Variants in EYS observed in about 807,000 individuals in gnomAD.
The protein encoded by EYS is EGF-like photoreceptor maintenance factor.
In EYS, 250 loss-of-function variants were observed where a neutral mutation model predicts 282.1. The observed-to-expected ratio is 0.89, with a 90% CI of 0.80 to 0.98. The LOEUF (loss-of-function observed/expected upper bound fraction) is 0.98. Among genes scored for constraint, EYS ranks in the 50% least tolerant of loss-of-function variants. The pLI is 0.00. For missense variants in EYS, 4,016 were observed against 3,709.0 expected (o/e 1.08, Z -2.15); for synonymous variants, 1,355 against 1,282.9 (o/e 1.06, Z -1.20).
intron 35 of EYS, among the ~76,000 whole-genome samples, chr6:63,908,544 G>A (rs1353980958): frequency 6.6e-6 from 1 of 151,898 alleles, no homozygotes. Context: ...TCCACATCCC[G>A]GGTTCAAGTG....
At chr6:65,661,841 A>G (rs1768010832) in intron 1 of EYS, among the ~76,000 whole-genome samples, 1 of 152,120 alleles carries the variant, frequency 6.6e-6, no homozygotes, top group Non-Finnish European at 1.5e-5. Context: ...AATGGCAGCT[A>G]TTCTTGGAAA....
At chr6:65,270,528 A>T (rs1021408742) in intron 12 of EYS, among the ~76,000 whole-genome samples, 6 of 151,620 alleles carry the variant, frequency 4.0e-5, no homozygotes, top group Admixed American at 4.0e-4. Context: ...ACACTTTCTC[A>T]TTTTTTTTGT....
At chr6:63,912,644 G>T (rs1006812929) in intron 35 of EYS, among the ~76,000 whole-genome samples, 4 of 152,224 alleles carry the variant, frequency 2.6e-5, no homozygotes, top group Admixed American at 2.0e-4. Flanking sequence ...AATGTTGGAG[G>T]GGGGCCTGGT....
At chr6:63,853,223 T>C (rs1180216656) in intron 36 of EYS, among the ~76,000 whole-genome samples, 1 of 152,178 alleles carries the variant, frequency 6.6e-6, no homozygotes, top group Admixed American at 6.5e-5. Context: ...TGATTGTATA[T>C]TTAGAAAACC....
intron 31 of EYS, among the ~76,000 whole-genome samples, chr6:64,173,336 G>GA (rs199516551): frequency 1.3e-5 from 2 of 152,116 alleles, no homozygotes; most frequent in African/African-American, 2.4e-5. Context: ...AACTTTGTGG[G>GA]AAAAAATTCA....
chr6:63,846,417 G>A (rs1044754326), intron 36 of EYS, among the ~76,000 whole-genome samples: 1 of 152,050 alleles, frequency 6.6e-6, no homozygotes, highest in Non-Finnish European at 1.5e-5. Context: ...TTAAAGACTT[G>A]GGGCAGACAA....
intron 19 of EYS, among the ~76,000 whole-genome samples, chr6:64,882,626 T>C (rs1469559498): frequency 6.6e-6 from 1 of 151,352 alleles, no homozygotes; most frequent in Non-Finnish European, 1.5e-5. Flanking sequence ...CTTATAGTTA[T>C]CAATCAAACA....
chr6:64,404,498 A>G (rs1258465199), intron 28 of EYS, among the ~76,000 whole-genome samples: 1 of 152,122 alleles, frequency 6.6e-6, no homozygotes, highest in Admixed American at 6.6e-5. Flanking sequence ...TCCCAGCTTT[A>G]CCATTTATTA....
At chr6:65,332,439 A>G in intron 11 of EYS, 1 of 1,382,136 alleles carries the variant, frequency 7.2e-7, no homozygotes, top group Non-Finnish European at 1.0e-6. Context: ...TTTGGGAAGA[A>G]TTAATATTTT....
intron 12 of EYS, among the ~76,000 whole-genome samples, chr6:65,225,707 A>T (rs1336377886): frequency 1.3e-5 from 2 of 148,698 alleles, no homozygotes; most frequent in African/African-American, 2.5e-5. Context: ...AGAGCAAAAA[A>T]CTCCATCAAA....
chr6:65,663,639 A>G (rs1245408463), intron 1 of EYS, among the ~76,000 whole-genome samples: 1 of 152,180 alleles, frequency 6.6e-6, no homozygotes, highest in Non-Finnish European at 1.5e-5. Flanking sequence ...AAAGCAAGTT[A>G]AACTTATGTA....
chr6:65,372,444 T>C (rs1421718712), intron 8 of EYS, among the ~76,000 whole-genome samples: 1 of 152,080 alleles, frequency 6.6e-6, no homozygotes, highest in Non-Finnish European at 1.5e-5. Flanking sequence ...ATAAATAGTA[T>C]TTAATTGCAT....
At chr6:64,292,594 A>C (rs1455403568) in intron 30 of EYS, among the ~76,000 whole-genome samples, 3 of 152,038 alleles carry the variant, frequency 2.0e-5, no homozygotes, top group Non-Finnish European at 4.4e-5. Flanking sequence ...AAGATCGAGG[A>C]TAGCTAATAT....
chr6:65,210,218 T>G (rs1268838640), intron 12 of EYS, among the ~76,000 whole-genome samples: 1 of 152,020 alleles, frequency 6.6e-6, no homozygotes, highest in Non-Finnish European at 1.5e-5. Flanking sequence ...ACAAATTACA[T>G]GCGAATGCGT....
At chr6:64,525,474 A>AGAACT (rs1777886628) in intron 26 of EYS, among the ~76,000 whole-genome samples, 1 of 151,706 alleles carries the variant, frequency 6.6e-6, no homozygotes, top group South Asian at 2.1e-4. Context: ...CTGAATAATG[A>AGAACT]GAACTGATAG....
intron 12 of EYS, among the ~76,000 whole-genome samples, chr6:65,211,090 G>C (rs1219224418): frequency 6.6e-6 from 1 of 151,940 alleles, no homozygotes; most frequent in Non-Finnish European, 1.5e-5. Flanking sequence ...ACGAGTATTA[G>C]CGATATTAAA....
chr6:64,860,642 C>T (rs1327682739), intron 19 of EYS, among the ~76,000 whole-genome samples: 1 of 152,330 alleles, frequency 6.6e-6, no homozygotes, highest in African/African-American at 2.4e-5. Context: ...CCCTGAAGGG[C>T]CACAGCTGTT....
chr6:65,087,069 C>T (rs1056708263), intron 12 of EYS, among the ~76,000 whole-genome samples: 1 of 152,080 alleles, frequency 6.6e-6, no homozygotes, highest in African/African-American at 2.4e-5. Context: ...AATCCACCTG[C>T]CTTGGCCTCC....
At chr6:64,227,473 G>T (rs935350861) in intron 31 of EYS, among the ~76,000 whole-genome samples, 3 of 151,942 alleles carry the variant, frequency 2.0e-5, no homozygotes, top group Non-Finnish European at 4.4e-5. Flanking sequence ...TAGCATGGTG[G>T]TTAAATGTGA....
Sources: allele counts gnomAD v4.1 joint callset (sites outside exome capture counted in the v4.1 genomes callset), GRCh38; gene constraint gnomAD v4.1.1; transcripts MANE v1.5; gene names NCBI Gene and HGNC (gene_info 2026-07-23, HGNC 2026-07-21).